NLRP3: variants seen among roughly 807,000 people sequenced by gnomAD.
The protein encoded by NLRP3 is NACHT, LRR and PYD domains-containing protein 3.
NLRP3 carries 48 observed loss-of-function variants against 91.3 expected under a neutral mutation model. That is an observed-to-expected ratio of 0.53 (90% CI 0.42 to 0.67). The LOEUF (loss-of-function observed/expected upper bound fraction) is 0.67. NLRP3 is among the 30% of genes least tolerant of loss of function. The probability of loss-of-function intolerance (pLI) is 0.00; values close to 1 mark genes in which losing one functional copy is unlikely to be tolerated. For missense variants in NLRP3, 982 were observed against 1,276.9 expected (o/e 0.77, Z 3.52); for synonymous variants, 561 against 507.9 (o/e 1.10, Z -1.41).
intron 5 of NLRP3, among the ~76,000 whole-genome samples, chr1:247,430,980 C>A (rs925139682): frequency 2.0e-5 from 3 of 151,646 alleles, no homozygotes; most frequent in African/African-American, 7.3e-5. Flanking sequence ...CGTTGCCCAG[C>A]CTGGTCAGAA....
At chr1:247,428,357 G>A (rs1054552113) in intron 4 of NLRP3, among the ~76,000 whole-genome samples, 9 of 152,264 alleles carry the variant, frequency 5.9e-5, no homozygotes, top group Non-Finnish European at 1.0e-4. Context: ...GTATGTTCCA[G>A]TCCCTTCTGA....
At chr1:247,431,520 G>A (rs1198681935) in intron 5 of NLRP3, among the ~76,000 whole-genome samples, 4 of 152,122 alleles carry the variant, frequency 2.6e-5, no homozygotes, top group African/African-American at 4.8e-5. Context: ...CCACTTGCCT[G>A]GACACGCAGT....
At chr1:247,434,389 T>G (rs1572201510) in intron 6 of NLRP3, 116 bp downstream of exon 6, 1 of 1,042,576 alleles carries the variant, frequency 9.6e-7, no homozygotes, top group Non-Finnish European at 1.5e-6. Context: ...GCGGCTCGGG[T>G]GACTGCGTGT....
chr1:247,444,204 T>C (rs1664441126), intron 8 of NLRP3, 62 bp downstream of exon 8: 3 of 1,523,874 alleles, frequency 2.0e-6, no homozygotes, highest in Non-Finnish European at 2.7e-6. Flanking sequence ...GAGGGACGTT[T>C]AGGCAGAGTG....
chr1:247,424,073 C>A lies in NLRP3; in HGVS notation c.624C>A (p.Asp208Glu), dbSNP rs762435993. 3 of 1,614,040 alleles carry A rather than the reference C, an allele frequency of 1.9e-6. No individual in the cohort carries two copies. The highest frequency in any genetic ancestry group is 1.7e-6 in the Non-Finnish European group (2 of 1,180,014). The stretch of plus-strand genomic sequence containing the variant: ...CCATTAAGATGGAGTTGCTGTTTGA[C>A]CCCGATGATGAGCATTCTGAGCCTG... ...VSPIKMELLF[D>E]PDDEHSEPVH... is the part of the protein sequence containing the mutation. Residue 208 changes from aspartate to glutamate, a missense_variant, in exon 4 of 10, where the codon GAC becomes GAA. Asp to Glu is a conservative substitution (Grantham distance 45, BLOSUM62 2). This residue lies in a region of NLRP3 where 548 missense variants were observed against 713.7 expected (regional missense o/e 0.77). Coordinates refer to ENST00000336119, the MANE Select transcript of NLRP3 (RefSeq NM_001243133.2). This position sits in a 1 kb window ranked among gnomAD's most constrained non-coding sequence, Gnocchi z 8.1.
intron 9 of NLRP3, among the ~76,000 whole-genome samples, chr1:247,447,752 T>C (rs776382491): frequency 1.6e-4 from 24 of 152,252 alleles, no homozygotes; most frequent in Admixed American, 3.3e-4. Flanking sequence ...TTTGGTGTGA[T>C]AGTGACATTG....
chr1:247,442,190 T>C (rs1664285497), intron 7 of NLRP3, among the ~76,000 whole-genome samples: 1 of 152,244 alleles, frequency 6.6e-6, no homozygotes. Flanking sequence ...TCTTCCTTAA[T>C]TGGGAAGATA....
chr1:247,425,033 C>G lies in NLRP3; in HGVS notation c.1584C>G (p.Ala528=), dbSNP rs201644343. The G allele has an allele frequency of 6.2e-7, 1 of 1,614,128 alleles. No homozygotes were observed. The highest frequency in any genetic ancestry group is 8.5e-7 in the Non-Finnish European group (1 of 1,180,024). Residue 528 remains alanine, a synonymous_variant, in exon 4 of 10, where the codon GCC becomes GCG. Transcript: ENST00000336119. This position sits in a 1 kb window ranked among gnomAD's most constrained non-coding sequence, Gnocchi z 4.1. The stretch of plus-strand genomic sequence containing the variant: ...ACATGACTTTCCAGGAGTTCTTTGC[C>G]GCCATGTACTACCTGCTGGAAGAGG... ...FIHMTFQEFF[A]AMYYLLEEEK... is the part of the protein sequence containing the mutation.
In NLRP3 at chr1:247,424,649, C is replaced by T. The variant is rs202094185; in HGVS notation, c.1200C>T (p.Asn400=). Residue 400 remains asparagine, a synonymous_variant, in exon 4 of 10, where the codon AAC becomes AAT. Coordinates refer to ENST00000336119, the MANE Select transcript of NLRP3 (RefSeq NM_001243133.2). This position sits in a 1 kb window ranked among gnomAD's most constrained non-coding sequence, Gnocchi z 8.1. Reference sequence around the variant, plus strand: ...CAGCCTTCAGTCTGATTCAGGAGAACGAGGTCCTCTTCACCATGTGCTTCA... The same window carrying T: ...CAGCCTTCAGTCTGATTCAGGAGAATGAGGTCCTCTTCACCATGTGCTTCA... ...ARAAFSLIQE[N]EVLFTMCFIP... 2.8e-5 allele frequency: 46 copies of T among 1,614,246 alleles called. No homozygotes were observed. Among genetic ancestry groups the T allele is most frequent in the African/African-American group, 2.0e-4 (15 of 75,072 alleles).
At chr1:247,437,065 C>T (rs1277326918) in intron 7 of NLRP3, among the ~76,000 whole-genome samples, 1 of 152,210 alleles carries the variant, frequency 6.6e-6, no homozygotes, top group Non-Finnish European at 1.5e-5. Context: ...TGTGACCTCC[C>T]AAGCCACTGC....
chr1:247,429,782 T>C, intron 5 of NLRP3, 27 bp downstream of exon 5: 1 of 1,612,052 alleles, frequency 6.2e-7, no homozygotes, highest in East Asian at 2.2e-5. Flanking sequence ...GTGATCTGTG[T>C]GAGTGCAAGT....
intron 3 of NLRP3, 124 bp downstream of exon 3, chr1:247,423,473 G>C: frequency 8.6e-7 from 1 of 1,158,598 alleles, no homozygotes; most frequent in Non-Finnish European, 1.3e-6. Context: ...GCAAAGGCCT[G>C]TCTCAGGAAA....
At chr1:247,434,791 C>G (rs933484554) in intron 6 of NLRP3, among the ~76,000 whole-genome samples, 2 of 152,122 alleles carry the variant, frequency 1.3e-5, no homozygotes, top group African/African-American at 4.8e-5. Flanking sequence ...TAGAAAACAA[C>G]AAGTATTGGT....
chr1:247,418,683 T>A lies in NLRP3; in HGVS notation c.-118T>A. On this transcript the variant is annotated 5_prime_UTR_variant, in exon 2 of 10. Coordinates refer to ENST00000336119, the MANE Select transcript of NLRP3 (RefSeq NM_001243133.2). ...TTCTTTCTGTTTGCTGAGTTTTTGA[T>A]AATTTATATCTCTCAAAGTGGAGAC... 1 of 1,240,902 alleles carries A rather than the reference T, an allele frequency of 8.1e-7. No individual in the cohort carries two copies. Among genetic ancestry groups the A allele is most frequent in the Non-Finnish European group, 1.2e-6 (1 of 867,694 alleles). 76.9% of individuals were successfully genotyped at this position (1,240,902 alleles called of 1,614,324 possible).
At position 247,444,176 on chromosome 1, in the gene NLRP3, AC is replaced by A. The variant is rs753937860; in HGVS notation, c.2834+35del. The A allele has an allele frequency of 7.4e-6, 12 of 1,611,770 alleles. No individual in the cohort carries two copies. The East Asian group carries it at 2.7e-4, about 36-fold the overall frequency. Reference sequence around the variant, plus strand: ...TTTGGTTTATTACAGCAATGAGAACACATGGTGGCCAAGGGTGGAGGGACGT... The same window carrying A: ...TTTGGTTTATTACAGCAATGAGAACAATGGTGGCCAAGGGTGGAGGGACGT... On this transcript the variant is annotated intron_variant, in intron 8 of 9. Coordinates refer to ENST00000336119, the MANE Select transcript of NLRP3 (RefSeq NM_001243133.2).
intron 2 of NLRP3, among the ~76,000 whole-genome samples, chr1:247,421,446 C>A (rs1394385236): frequency 6.6e-6 from 1 of 152,086 alleles, no homozygotes; most frequent in Non-Finnish European, 1.5e-5. Flanking sequence ...CATAGGGAGA[C>A]CTCATCTCTA....
chr1:247,430,790 TG>T (rs1663260214), intron 5 of NLRP3, among the ~76,000 whole-genome samples: 2 of 151,666 alleles, frequency 1.3e-5, no homozygotes, highest in South Asian at 4.2e-4. Context: ...TTTTTTTCTT[TG>T]AGACAGGACC....
At position 247,448,689 on chromosome 1, in the gene NLRP3, C is replaced by A; in HGVS notation, c.*185C>A. 1 of 652,098 alleles carries A rather than the reference C, an allele frequency of 1.5e-6. No individual in the cohort carries two copies. Among genetic ancestry groups the A allele is most frequent in the Non-Finnish European group, 2.8e-6 (1 of 356,474 alleles). The allele number at this position is 652,098 out of a possible 1,614,324, so 40.4% of individuals were successfully genotyped here. Reference sequence around the variant, plus strand: ...CAGAGCTTGGGCATCTCCTTTACGCCAGGGTGAGGAAGACACCAGGACAAT... The same window carrying A: ...CAGAGCTTGGGCATCTCCTTTACGCAAGGGTGAGGAAGACACCAGGACAAT... On this transcript the variant is annotated 3_prime_UTR_variant, in exon 10 of 10. Coordinates refer to ENST00000336119, the MANE Select transcript of NLRP3 (RefSeq NM_001243133.2).
At chr1:247,427,274 C>T (rs1026428116) in intron 4 of NLRP3, among the ~76,000 whole-genome samples, 4 of 152,160 alleles carry the variant, frequency 2.6e-5, no homozygotes, top group Non-Finnish European at 4.4e-5. Context: ...TCGCCTGATA[C>T]GTCATGTTGA....
Sources: gnomAD v4.1 joint callset for allele counts (sites outside exome capture counted in the v4.1 genomes callset) on GRCh38, gnomAD v4.1.1 for gene constraint, gnomAD v4.1.1 regional missense constraint, Gnocchi (gnomAD v3.1) non-coding constraint, MANE v1.5 for transcripts, NCBI Gene and HGNC (gene_info 2026-07-23, HGNC 2026-07-21) for gene names.